The following ATP13A4 variants were observed in gnomAD, a reference collection of about 807,000 sequenced individuals.
ATP13A4 encodes ATPase 13A4, also known as probable cation-transporting ATPase 13A4.
ATP13A4 carries 114 observed loss-of-function variants against 142.5 expected under a neutral mutation model. The observed-to-expected ratio is 0.80, with a 90% CI of 0.69 to 0.93. The LOEUF (loss-of-function observed/expected upper bound fraction) is 0.93, where lower values mean the gene tolerates loss of function less well. Ranked by LOEUF, ATP13A4 falls within the 40% of genes least tolerant of loss-of-function variation. The pLI, the probability that ATP13A4 is intolerant of heterozygous loss-of-function variation, is 0.00. For missense variants in ATP13A4, 1,392 were observed against 1,454.0 expected, an observed-to-expected ratio of 0.96 and a Z score of 0.69; for synonymous variants, 488 against 514.8, an observed-to-expected ratio of 0.95 and a Z score of 0.70.
intron 1 of ATP13A4, among the ~76,000 whole-genome samples, chr3:193,518,080 T>C (rs1721523621): frequency 6.6e-6 from 1 of 152,200 alleles, no homozygotes; most frequent in East Asian, 1.9e-4. Flanking sequence ...TATTTTCACA[T>C]AAAAATTAAG....
At chr3:193,529,758 T>C (rs1722216465) in intron 1 of ATP13A4, among the ~76,000 whole-genome samples, 1 of 152,262 alleles carries the variant, frequency 6.6e-6, no homozygotes, top group Admixed American at 6.5e-5. Flanking sequence ...TTTTTGTTTA[T>C]AAGGAGCCTT....
At chr3:193,561,378 T>C (rs892465340) in intron 2 of ATP13A4, among the ~76,000 whole-genome samples, 2 of 152,216 alleles carry the variant, frequency 1.3e-5, no homozygotes, top group Non-Finnish European at 1.5e-5. Flanking sequence ...CCTCTCTGCT[T>C]GCCATTCTTC....
Position 193,418,673 on chromosome 3 carries a change from T to C in ATP13A4, c.2843-3923A>G, listed in dbSNP as rs1715245322. Among the ~76,000 whole-genome samples the C allele has an allele frequency of 2.7e-5, 4 of 149,780 alleles. No individual in the cohort carries two copies. In the South Asian group the frequency reaches 8.4e-4, roughly 32 times the overall value. On this transcript the variant is annotated intron_variant, in intron 25 of 29. Transcript: ENST00000342695. ...CCATCAACACCCTGGACACCTACAG[T>C]CCTCACAGGCACTGAACCAGCTGAG...
upstream of ATP13A4, among the ~76,000 whole-genome samples, chr3:193,558,103 A>G (rs184372265): frequency 9.9e-4 from 151 of 152,338 alleles, no homozygotes; most frequent in African/African-American, 3.4e-3. Context: ...CTCCATAAAT[A>G]TCCCTACTGT....
At chr3:193,591,570 G>T (rs1202833078) in intron 1 of ATP13A4, among the ~76,000 whole-genome samples, 1 of 152,172 alleles carries the variant, frequency 6.6e-6, no homozygotes, top group Non-Finnish European at 1.5e-5. Context: ...CCTATACATG[G>T]ACATTTATAC....
chr3:193,514,190 T>A (rs535170135), intron 2 of ATP13A4, among the ~76,000 whole-genome samples: 1 of 152,210 alleles, frequency 6.6e-6, no homozygotes, highest in Non-Finnish European at 1.5e-5. Context: ...ACCCATGTAT[T>A]AAGCTTAGTA....
At chr3:193,590,776 A>G (rs990483913) in intron 1 of ATP13A4, among the ~76,000 whole-genome samples, 7 of 152,348 alleles carry the variant, frequency 4.6e-5, no homozygotes, top group Admixed American at 4.6e-4. Context: ...GGCAGTTTCA[A>G]TATAAGTAGT....
At chr3:193,575,774 T>C (rs1724378528) in intron 2 of ATP13A4, among the ~76,000 whole-genome samples, 1 of 152,252 alleles carries the variant, frequency 6.6e-6, no homozygotes, top group Admixed American at 6.5e-5. Context: ...GTTTTGTTTT[T>C]AAATTTAGGT....
intron 15 of ATP13A4, 100 bp from the exon 16 acceptor site, chr3:193,457,253 G>C: frequency 6.3e-7 from 1 of 1,579,880 alleles, no homozygotes; most frequent in South Asian, 1.1e-5. Context: ...ACAAATAAGG[G>C]GGAAGGTCTC....
chr3:193,528,963 A>C (rs191027959), intron 1 of ATP13A4, among the ~76,000 whole-genome samples: 61 of 152,224 alleles, frequency 4.0e-4, no homozygotes, highest in African/African-American at 1.4e-3. Flanking sequence ...GTCCTCTATA[A>C]CTGGCTTTTA....
intron 28 of ATP13A4, among the ~76,000 whole-genome samples, chr3:193,409,559 T>C (rs1410185537): frequency 2.0e-5 from 3 of 152,198 alleles, no homozygotes; most frequent in Non-Finnish European, 2.9e-5. Context: ...TTAACTTCTG[T>C]AGGATTAAGA....
rs1560287198 is a variant in ATP13A4 at position 193,573,263 on chromosome 3, A to ATATATATATATATATATATATATG, written n.291+8443_291+8444insCATATATATATATATATATATATA. Among the ~76,000 whole-genome samples, 54 of 105,258 alleles carry ATATATATATATATATATATATATG rather than the reference A, an allele frequency of 5.1e-4. 2 individuals carry two copies. Among genetic ancestry groups the ATATATATATATATATATATATATG allele is most frequent in the African/African-American group, 2.4e-3 (53 of 21,666 alleles). 69.1% of individuals were successfully genotyped at this position (105,258 alleles called of 152,430 possible). On this transcript the variant is annotated intron_variant and non_coding_transcript_variant, in intron 2 of 3. Coordinates refer to the ATP13A4 transcript ENST00000489140. Reference sequence around the variant, plus strand: ...GAACTTTAACGAATACCACAGCCATATATATATATATACATATATATATAT... The same window carrying ATATATATATATATATATATATATG: ...GAACTTTAACGAATACCACAGCCATATATATATATATATATATATATATGTATATATATATACATATATATATAT...
At chr3:193,589,963 A>G (rs1461768456) in intron 1 of ATP13A4, among the ~76,000 whole-genome samples, 7 of 150,838 alleles carry the variant, frequency 4.6e-5, no homozygotes, top group Non-Finnish European at 1.0e-4. Context: ...TTTTGCCAAA[A>G]AAAAAAAAAA....
intron 25 of ATP13A4, among the ~76,000 whole-genome samples, chr3:193,428,298 T>C (rs140678804): frequency 0.025 from 3,737 of 146,792 alleles, 242 homozygotes; most frequent in African/African-American, 0.09. Context: ...ACAACAGGTG[T>C]TGGAGAGGAT....
At chr3:193,584,946 A>G (rs1422120237) in intron 1 of ATP13A4, among the ~76,000 whole-genome samples, 2 of 152,204 alleles carry the variant, frequency 1.3e-5, no homozygotes, top group Non-Finnish European at 2.9e-5. Context: ...GTTTCTAGAA[A>G]GTTCCCCAAT....
At chr3:193,579,508 T>TATATATATATATATATATA (rs1560289539) in intron 2 of ATP13A4, 3 of 152,058 alleles carry the variant, frequency 2.0e-5, no homozygotes, top group Non-Finnish European at 1.5e-5. Flanking sequence ...TATATATATA[T>TATATATATATATATATATA]TCCTATTCTT....
Position 193,440,640 on chromosome 3 carries a change from G to C in ATP13A4, c.2440-3C>G. On this transcript the variant is annotated splice_polypyrimidine_tract_variant and splice_region_variant and intron_variant, in intron 20 of 29. Coordinates refer to ENST00000342695, the MANE Select transcript of ATP13A4 (RefSeq NM_032279.4). ...AAGATGGTCCCATTGATCAATATCT[G>C]TAAGGAACCCAAAATGGAGATTTTT... is the stretch of plus-strand genomic sequence containing the variant. The C allele has an allele frequency of 6.2e-7, 1 of 1,613,742 alleles. No individual in the cohort carries two copies. Among genetic ancestry groups the C allele is most frequent in the Non-Finnish European group, 8.5e-7 (1 of 1,179,708 alleles).
rs1716572931 is a variant in ATP13A4 at position 193,440,623 on chromosome 3, C to G, written c.2454G>C (p.Gly818=). The G allele has an allele frequency of 6.2e-7, 1 of 1,613,986 alleles. No homozygotes were observed. The highest frequency in any genetic ancestry group is 1.3e-5 in the African/African-American group (1 of 75,032). Residue 818 remains glycine (G), a synonymous_variant, in exon 21 of 30, where the codon GGG becomes GGC. Transcript: ENST00000342695. The part of the protein sequence containing the change: ...SSLLPKILIN[G]TIFARMSPGQ... The stretch of plus-strand genomic sequence containing the variant: ...CAGGAGACATTCTTGCAAAGATGGT[C>G]CCATTGATCAATATCTGTAAGGAAC...
At chr3:193,456,745 G>C (rs143589841) in intron 16 of ATP13A4, among the ~76,000 whole-genome samples, 23 of 152,202 alleles carry the variant, frequency 1.5e-4, no homozygotes, top group Non-Finnish European at 2.5e-4. Context: ...AGGCACTAAG[G>C]GGGAGTGAGA....
Sources: allele counts gnomAD v4.1 joint callset (sites outside exome capture counted in the v4.1 genomes callset), GRCh38; gene constraint gnomAD v4.1.1; transcripts MANE v1.5; gene names NCBI Gene and HGNC (gene_info 2026-07-23, HGNC 2026-07-21).